CTSC: variants seen among roughly 807,000 people sequenced by gnomAD.
The protein encoded by CTSC is cathepsin C, also known as dipeptidyl peptidase 1.
Under a neutral mutation model 40.9 loss-of-function variants are expected in CTSC, and 37 were observed. The observed-to-expected ratio is 0.91, with a 90% CI of 0.70 to 1.19. CTSC has a LOEUF of 1.19. CTSC is among the 50% of genes most tolerant of loss of function. The probability of loss-of-function intolerance (pLI) is 0.00; values close to 1 mark genes in which losing one functional copy is unlikely to be tolerated. For synonymous variants in CTSC, 232 were observed against 207.4 expected, an observed-to-expected ratio of 1.12 and a Z score of -1.02; for missense variants, 594 against 567.3, an observed-to-expected ratio of 1.05 and a Z score of -0.48.
chr11:88,308,127 A>G (rs951667777), intron 4 of CTSC, among the ~76,000 whole-genome samples: 2 of 152,236 alleles, frequency 1.3e-5, no homozygotes, highest in African/African-American at 4.8e-5. Flanking sequence ...TGAGAGTGAA[A>G]GAGAGCTAAG....
intron 2 of CTSC, chr11:88,325,885 A>C: frequency 1.0e-6 from 1 of 988,270 alleles, no homozygotes; most frequent in Non-Finnish European, 1.2e-6. Flanking sequence ...ATCTCAAGAG[A>C]TCCAAGGGCC....
At chr11:88,331,998 G>A (rs981584637) in intron 2 of CTSC, among the ~76,000 whole-genome samples, 3 of 152,086 alleles carry the variant, frequency 2.0e-5, no homozygotes, top group South Asian at 2.1e-4. Context: ...CAACAAACTC[G>A]AGCAGCAAGA....
intron 2 of CTSC, among the ~76,000 whole-genome samples, chr11:88,329,319 T>TAAAAATAC (rs775443543): frequency 2.0e-5 from 3 of 151,700 alleles, no homozygotes; most frequent in Non-Finnish European, 4.4e-5. Flanking sequence ...CCATCTCTAC[T>TAAAAATAC]AAAAATACAA....
chr11:88,306,818 C>T (rs748192712), intron 4 of CTSC, among the ~76,000 whole-genome samples: 1 of 152,242 alleles, frequency 6.6e-6, no homozygotes, highest in Non-Finnish European at 1.5e-5. Flanking sequence ...ACCTGATTAA[C>T]ACAAGCCATC....
intron 4 of CTSC, among the ~76,000 whole-genome samples, chr11:88,301,356 C>T (rs1308354804): frequency 4.6e-5 from 7 of 152,150 alleles, no homozygotes; most frequent in African/African-American, 1.7e-4. Context: ...TTACATAAGG[C>T]ATACACCAGG....
At chr11:88,308,194 C>G (rs1276593904) in intron 4 of CTSC, among the ~76,000 whole-genome samples, 1 of 152,206 alleles carries the variant, frequency 6.6e-6, no homozygotes, top group Non-Finnish European at 1.5e-5. Context: ...TTGGGCCAAG[C>G]TAACTTTGGA....
At chr11:88,309,029 G>C in intron 4 of CTSC, 134 bp downstream of exon 4, 1 of 751,096 alleles carries the variant, frequency 1.3e-6, no homozygotes, top group Non-Finnish European at 2.3e-6. Context: ...GATAAAGATC[G>C]TTAACAGATC....
chr11:88,323,853 G>A (rs1401745858), intron 2 of CTSC: 1 of 152,138 alleles, frequency 6.6e-6, no homozygotes, highest in East Asian at 1.9e-4. Flanking sequence ...GCAATTCACA[G>A]ATTCAATGCT....
At chr11:88,319,275 T>A (rs925173345) in intron 2 of CTSC, among the ~76,000 whole-genome samples, 6 of 152,194 alleles carry the variant, frequency 3.9e-5, no homozygotes, top group Admixed American at 3.3e-4. Flanking sequence ...TTGACAGAAG[T>A]TTTTAAAAAC....
At chr11:88,335,358 T>C (rs984769192) in intron 1 of CTSC, among the ~76,000 whole-genome samples, 10 of 151,848 alleles carry the variant, frequency 6.6e-5, no homozygotes, top group South Asian at 2.1e-4. Context: ...GGGGCTGAGG[T>C]CAGAACTTCA....
In CTSC at chr11:88,296,153, G is replaced by C. The variant is rs773677246; in HGVS notation, c.869C>G (p.Ser290Cys). 1 of 1,613,934 alleles carries C rather than the reference G, an allele frequency of 6.2e-7. No homozygotes were observed. Residue 290 changes from serine to cysteine, a missense_variant, in exon 6 of 7, where the codon TCT becomes TGT. Physicochemically the swap from Ser to Cys is moderately radical, Grantham distance 112. Transcript: ENST00000227266. ...CTTACCTTGAGCATACTGGCTACAA[G>C]ACACAACCTCCTGAGGGCTTAGGAT... ...TPILSPQEVV[S>C]CSQYAQGCEG...
intron 4 of CTSC, 29 bp from the exon 5 acceptor site, chr11:88,300,674 A>G (rs972852162): frequency 7.8e-7 from 1 of 1,281,638 alleles, no homozygotes; most frequent in African/African-American, 1.5e-5. Context: ...TTTGATATCA[A>G]CATATAATCT....
At chr11:88,310,189 T>TTC (rs900545276) in intron 3 of CTSC, among the ~76,000 whole-genome samples, 1 of 151,714 alleles carries the variant, frequency 6.6e-6, no homozygotes, top group African/African-American at 2.4e-5. Context: ...CCTTTTTTTT[T>TTC]TTTTTTTTAA....
At chr11:88,333,164 A>G (rs1565266083) in intron 2 of CTSC, among the ~76,000 whole-genome samples, 3 of 152,216 alleles carry the variant, frequency 2.0e-5, no homozygotes, top group African/African-American at 7.2e-5. Flanking sequence ...GCTTTTGTCT[A>G]TATCTATTAC....
rs1312227764 is a variant in CTSC, at chr11:88,312,460, G to A, written c.413C>T (p.Thr138Ile). The A allele has an allele frequency of 2.5e-6, 4 of 1,614,098 alleles. No individual in the cohort carries two copies. In the South Asian group the frequency reaches 3.3e-5, roughly 13 times the overall value. ...DVLGRNWACFTGKKVGTASEN... is the reference protein window; with the variant it reads ...DVLGRNWACFIGKKVGTASEN... Reference sequence around the variant, plus strand: ...AGAGGCAGTTCCCACCTTCTTTCCGGTGAAACAAGCCCAGTTCCGGCCCAA... The same window carrying A: ...AGAGGCAGTTCCCACCTTCTTTCCGATGAAACAAGCCCAGTTCCGGCCCAA... The change falls in exon 3 of 7, where the codon ACC (threonine) becomes ATC (isoleucine). Residue 138 changes from threonine (T) to isoleucine (I), a missense_variant. Physicochemically the swap from Thr to Ile is moderately conservative, Grantham distance 89 (BLOSUM62 -1). Coordinates refer to ENST00000227266, the MANE Select transcript of CTSC (RefSeq NM_001814.6).
chr11:88,334,842 T>G (rs1938446912), intron 2 of CTSC, 95 bp downstream of exon 2: 9 of 930,656 alleles, frequency 9.7e-6, no homozygotes, highest in Non-Finnish European at 1.4e-5. Flanking sequence ...GTCATCTTCT[T>G]AATCTAAAAT....
chr11:88,317,911 A>C (rs1217460961), intron 2 of CTSC, among the ~76,000 whole-genome samples: 1 of 152,240 alleles, frequency 6.6e-6, no homozygotes, highest in African/African-American at 2.4e-5. Context: ...ATGATTCAAT[A>C]ACTATCCATT....
chr11:88,302,397 G>A lies in CTSC; in HGVS notation c.642-1752C>T, dbSNP rs541273473. Among the ~76,000 whole-genome samples the A allele has an allele frequency of 1.2e-4, 18 of 152,244 alleles. 1 individual carries two copies. Among genetic ancestry groups the A allele is most frequent in the African/African-American group, 4.3e-4 (18 of 41,536 alleles). On this transcript the variant is annotated intron_variant, in intron 4 of 6. Transcript: ENST00000227266. Reference sequence around the variant, plus strand: ...TCCCAGCATTGGGAGGCCGAGGCGGGCGGATCACGAGGTCAGGAGATTGAG... The same window carrying A: ...TCCCAGCATTGGGAGGCCGAGGCGGACGGATCACGAGGTCAGGAGATTGAG...
At chr11:88,332,589 T>C (rs1224715434) in intron 2 of CTSC, among the ~76,000 whole-genome samples, 1 of 152,238 alleles carries the variant, frequency 6.6e-6, no homozygotes, top group African/African-American at 2.4e-5. Context: ...TTGCAAGCTA[T>C]GTTTATCTGG....
Sources: allele counts gnomAD v4.1 joint callset (sites outside exome capture counted in the v4.1 genomes callset), GRCh38; gene constraint gnomAD v4.1.1; transcripts MANE v1.5; gene names NCBI Gene and HGNC (gene_info 2026-07-23, HGNC 2026-07-21).